GRIP1: variants seen among roughly 807,000 people sequenced by gnomAD.
GRIP1 encodes glutamate receptor-interacting protein 1.
Under a neutral mutation model 129.9 loss-of-function variants are expected in GRIP1, and 45 were observed. The observed-to-expected ratio is 0.35, with a 90% CI of 0.27 to 0.44. The LOEUF (loss-of-function observed/expected upper bound fraction) is 0.44, where lower values mean the gene tolerates loss of function less well. Ranked by LOEUF, GRIP1 falls within the 20% of genes least tolerant of loss-of-function variation. The pLI is 1.00. For synonymous variants in GRIP1, 530 were observed against 520.8 expected (o/e 1.02, Z -0.24); for missense variants, 1,196 against 1,396.8 (o/e 0.86, Z 2.29).
chr12:66,349,283 G>A, intron 24 of GRIP1, 37 bp from the exon 25 acceptor site: 1 of 1,502,938 alleles, frequency 6.7e-7, no homozygotes, highest in Non-Finnish European at 9.3e-7. Context: ...AATTATCGTT[G>A]TAACCATAAT....
chr12:66,963,754 T>G (rs2041956689), intron 1 of GRIP1, among the ~76,000 whole-genome samples: 1 of 152,128 alleles, frequency 6.6e-6, no homozygotes, highest in African/African-American at 2.4e-5. Context: ...GGTTCACGTC[T>G]AAGTTGAAGA....
At chr12:66,741,649 T>C (rs2036790838) in intron 1 of GRIP1, among the ~76,000 whole-genome samples, 1 of 152,220 alleles carries the variant, frequency 6.6e-6, no homozygotes, top group African/African-American at 2.4e-5. Flanking sequence ...TTTCAACATG[T>C]AATCAATCTA....
chr12:66,763,724 T>C (rs2037541491), intron 1 of GRIP1, among the ~76,000 whole-genome samples: 1 of 152,210 alleles, frequency 6.6e-6, no homozygotes, highest in Non-Finnish European at 1.5e-5. Context: ...ATAATGATGA[T>C]GTACACAAAT....
At chr12:66,675,529 A>C (rs1389154609) in intron 1 of GRIP1, among the ~76,000 whole-genome samples, 1 of 152,192 alleles carries the variant, frequency 6.6e-6, no homozygotes, top group Non-Finnish European at 1.5e-5. Flanking sequence ...TTCTCTGAGA[A>C]CATACTCCCT....
rs142549213 is a variant in GRIP1 at position 66,613,785 on chromosome 12, C to T, written c.56-16858G>A. ...CCCTGAATCACTATTAGGGTGCAGTCACTTTTTATTCGACTTAGGTTTCTT... is the reference window on the plus strand; with the variant it reads ...CCCTGAATCACTATTAGGGTGCAGTTACTTTTTATTCGACTTAGGTTTCTT... On this transcript the variant is annotated intron_variant, in intron 1 of 24. Transcript: ENST00000359742. 1.1e-4 allele frequency among the ~76,000 whole-genome samples: 16 copies of T among 152,238 alleles called. No homozygotes were observed. In the East Asian group the frequency reaches 3.1e-3, roughly 29 times the overall value.
chr12:66,743,257 G>C (rs1260948713), intron 1 of GRIP1, among the ~76,000 whole-genome samples: 1 of 152,036 alleles, frequency 6.6e-6, no homozygotes, highest in Non-Finnish European at 1.5e-5. Flanking sequence ...AGGTATAGTT[G>C]TATTCCCAAA....
intron 1 of GRIP1, among the ~76,000 whole-genome samples, chr12:66,840,919 A>G (rs1001190151): frequency 6.6e-6 from 1 of 152,196 alleles, no homozygotes; most frequent in African/African-American, 2.4e-5. Flanking sequence ...ATATTTTTAA[A>G]ATCCTTTTGA....
At chr12:66,593,681 G>A (rs561314048) in intron 2 of GRIP1, among the ~76,000 whole-genome samples, 1 of 152,282 alleles carries the variant, frequency 6.6e-6, no homozygotes, top group African/African-American at 2.4e-5. Flanking sequence ...ATCAGAGAAA[G>A]TGCTAATATG....
At chr12:66,922,084 C>G (rs1255917799) in intron 1 of GRIP1, among the ~76,000 whole-genome samples, 1 of 151,662 alleles carries the variant, frequency 6.6e-6, no homozygotes, top group African/African-American at 2.4e-5. Context: ...AAGGATGTAG[C>G]TGGTTTATAT....
intron 1 of GRIP1, among the ~76,000 whole-genome samples, chr12:66,771,879 G>A (rs2037829987): frequency 6.6e-6 from 1 of 152,214 alleles, no homozygotes; most frequent in Non-Finnish European, 1.5e-5. Context: ...CACTGCAAGT[G>A]CCACGGTCTA....
intron 7 of GRIP1, among the ~76,000 whole-genome samples, chr12:66,488,773 AATG>A (rs2060026020): frequency 6.6e-6 from 1 of 152,130 alleles, no homozygotes; most frequent in Non-Finnish European, 1.5e-5. Context: ...CACAATCAGA[AATG>A]ATAAGGGTGA....
Position 67,035,347 on chromosome 12 carries a change from G to A in GRIP1, c.58+33703C>T, listed in dbSNP as rs149522101. On this transcript the variant is annotated intron_variant, in intron 1 of 1. Coordinates refer to the GRIP1 transcript ENST00000643019. Reference sequence around the variant, plus strand: ...GGGTGTGCATGGGGGAGGGTTCGCAGTTTGGAATTCAGTCCCTTAAGTTAG... The same window carrying A: ...GGGTGTGCATGGGGGAGGGTTCGCAATTTGGAATTCAGTCCCTTAAGTTAG... Among the ~76,000 whole-genome samples, 360 of 152,292 alleles carry A rather than the reference G, an allele frequency of 2.4e-3. 2 individuals carry two copies. The highest frequency in any genetic ancestry group is 8.2e-3 in the African/African-American group (342 of 41,562).
intron 2 of GRIP1, among the ~76,000 whole-genome samples, chr12:66,544,523 T>G (rs1456534391): frequency 6.6e-6 from 1 of 152,178 alleles, no homozygotes; most frequent in Non-Finnish European, 1.5e-5. Flanking sequence ...GCACCATCTA[T>G]TTTACAATTT....
intron 1 of GRIP1, among the ~76,000 whole-genome samples, chr12:66,969,184 T>C (rs778450129): frequency 3.9e-4 from 60 of 152,296 alleles, no homozygotes; most frequent in Non-Finnish European, 8.4e-4. Flanking sequence ...TATATCTAAG[T>C]ATAGACTTTG....
intron 1 of GRIP1, among the ~76,000 whole-genome samples, chr12:66,870,952 T>G (rs1423518306): frequency 6.6e-6 from 1 of 152,140 alleles, no homozygotes; most frequent in Non-Finnish European, 1.5e-5. Flanking sequence ...TAGTTGAGAA[T>G]GTGAGATTTG....
In GRIP1 at chr12:66,490,094, AC is replaced by A. The variant is rs1455621110; in HGVS notation, c.725-24673del. Among the ~76,000 whole-genome samples the A allele has an allele frequency of 2.0e-5, 3 of 152,280 alleles. No homozygotes were observed. In the East Asian group the frequency reaches 5.8e-4, roughly 29 times the overall value. On this transcript the variant is annotated intron_variant, in intron 7 of 24. Coordinates refer to ENST00000359742, the MANE Select transcript of GRIP1 (RefSeq NM_001366722.1). ...GATTCAATGTTATTCCCATTAAACT[AC>A]CATCGACATCCTTCACAGAATTAGA... is the stretch of plus-strand genomic sequence containing the variant.
intron 1 of GRIP1, among the ~76,000 whole-genome samples, chr12:66,980,033 TAGG>T (rs1250616876): frequency 6.6e-6 from 1 of 152,152 alleles, no homozygotes; most frequent in Non-Finnish European, 1.5e-5. Context: ...ATGATTATGT[TAGG>T]AGAATGCCAG....
intron 1 of GRIP1, among the ~76,000 whole-genome samples, chr12:66,828,826 A>G (rs2039464421): frequency 6.6e-6 from 1 of 152,144 alleles, no homozygotes; most frequent in Non-Finnish European, 1.5e-5. Flanking sequence ...TGAGAATCTC[A>G]TTAAGGGAAG....
chr12:66,957,687 G>A (rs2041863163), intron 1 of GRIP1, among the ~76,000 whole-genome samples: 1 of 152,112 alleles, frequency 6.6e-6, no homozygotes, highest in South Asian at 2.1e-4. Flanking sequence ...GAGGGAAAGT[G>A]CCATTTTCAT....
Sources: gnomAD v4.1 joint callset for allele counts (sites outside exome capture counted in the v4.1 genomes callset) on GRCh38, gnomAD v4.1.1 for gene constraint, MANE v1.5 for transcripts, NCBI Gene and HGNC (gene_info 2026-07-23, HGNC 2026-07-21) for gene names.